ORC5: variants seen among roughly 807,000 people sequenced by gnomAD.
ORC5 encodes origin recognition complex subunit 5.
A neutral mutation model predicts 58.8 loss-of-function variants in ORC5; 39 were observed. The ratio of observed to expected loss-of-function variants is 0.66; its 90% CI spans 0.51 to 0.87. ORC5 has a LOEUF of 0.87. Ranked by LOEUF, ORC5 falls within the 40% of genes least tolerant of loss-of-function variation. The pLI is 0.00. For missense variants in ORC5, 493 were observed against 506.3 expected (o/e 0.97, Z 0.25); for synonymous variants, 218 against 177.6 (o/e 1.23, Z -1.81).
At chr7:104,183,371 T>C (rs1257239965) in intron 8 of ORC5, among the ~76,000 whole-genome samples, 2 of 152,120 alleles carry the variant, frequency 1.3e-5, no homozygotes, top group Non-Finnish European at 2.9e-5. Context: ...AGCTCCGTTC[T>C]GGCACCAAGG....
intron 12 of ORC5, among the ~76,000 whole-genome samples, chr7:104,137,104 T>G (rs1798601662): frequency 6.8e-6 from 1 of 147,646 alleles, no homozygotes; most frequent in African/African-American, 2.6e-5. Flanking sequence ...CTAGTTTTGT[T>G]TTTTTTTTTT....
Position 104,201,025 on chromosome 7 carries a change from G to A in ORC5, c.166-67C>T, listed in dbSNP as rs929124738. On this transcript the variant is annotated intron_variant, in intron 2 of 13. Transcript: ENST00000297431. ...ACACAAACACAATAATGGCTGTGCT[G>A]GATAGTCTCCATTTGCCTTTCTAAA... 1.9e-5 allele frequency: 25 copies of A among 1,340,920 alleles called. No individual in the cohort carries two copies. The African/African-American group carries it at 3.5e-4, about 19-fold the overall frequency. 83.1% of individuals were successfully genotyped at this position (1,340,920 alleles called of 1,614,324 possible). A position where few individuals can be genotyped will look rare whatever the true frequency, so the allele number is the denominator to read the frequency against.
intron 11 of ORC5, 56 bp downstream of exon 11, chr7:104,165,179 T>G: frequency 1.2e-6 from 1 of 854,032 alleles, no homozygotes; most frequent in Non-Finnish European, 1.9e-6. Context: ...TGTATCTATT[T>G]CCTATATTAT....
intron 10 of ORC5, among the ~76,000 whole-genome samples, chr7:104,165,920 G>C (rs1209436483): frequency 6.6e-6 from 1 of 152,062 alleles, no homozygotes; most frequent in African/African-American, 2.4e-5. Flanking sequence ...ATAAAACTTA[G>C]CCAGGCGTGG....
chr7:104,166,832 T>C lies in ORC5; in HGVS notation c.930A>G (p.Leu310=), dbSNP rs200928411. The C allele has an allele frequency of 6.2e-7, 1 of 1,613,176 alleles. No homozygotes were observed. Among genetic ancestry groups the C allele is most frequent in the East Asian group, 2.2e-5 (1 of 44,812 alleles). Residue 310 remains leucine, a synonymous_variant, in exon 10 of 14, where the codon CTA becomes CTG. Coordinates refer to ENST00000297431, the MANE Select transcript of ORC5 (RefSeq NM_002553.4). ...VELPYYSKFI[L]IAAYLASYNP... ...TGTATGAAGCAAGGTATGCAGCAAT[T>C]AGAATGAACTTAGAGTAATATGGAA... is the stretch of plus-strand genomic sequence containing the variant.
chr7:104,181,591 CT>C (rs1799431700), intron 8 of ORC5, among the ~76,000 whole-genome samples: 1 of 151,858 alleles, frequency 6.6e-6, no homozygotes, highest in African/African-American at 2.4e-5. Context: ...CAAGACCATC[CT>C]GGCTAACACG....
At chr7:104,135,509 T>C (rs1380715322) in intron 13 of ORC5, among the ~76,000 whole-genome samples, 3 of 152,320 alleles carry the variant, frequency 2.0e-5, no homozygotes, top group African/African-American at 7.2e-5. Context: ...CCCAGGCTCA[T>C]CTTGAATTTC....
chr7:104,154,756 T>A (rs1287474318), intron 12 of ORC5, among the ~76,000 whole-genome samples: 1 of 151,912 alleles, frequency 6.6e-6, no homozygotes, highest in African/African-American at 2.4e-5. Context: ...TTTTTATTTA[T>A]AAACGTTTTA....
intron 12 of ORC5, among the ~76,000 whole-genome samples, chr7:104,155,116 C>T (rs1040133484): frequency 6.6e-6 from 1 of 151,718 alleles, no homozygotes; most frequent in African/African-American, 2.4e-5. Context: ...AATGCTATTA[C>T]AATAAATAAA....
At chr7:104,128,508 CTT>C (rs879288342) in intron 13 of ORC5, among the ~76,000 whole-genome samples, 2 of 149,558 alleles carry the variant, frequency 1.3e-5, no homozygotes, top group Non-Finnish European at 3.0e-5. Context: ...TAATAGACTA[CTT>C]TTTTTTTTAA....
chr7:104,187,750 A>T, intron 6 of ORC5: 1 of 973,042 alleles, frequency 1.0e-6, no homozygotes, highest in Non-Finnish European at 1.2e-6. Context: ...AACCATCTAT[A>T]CAAAGATTAC....
rs555220622 is a variant in ORC5 at position 104,137,102 on chromosome 7, G to GT, written c.1150-210dup. ...GACTAGTTGTCAGAGTCCTAGTTTT[G>GT]TTTTTTTTTTTTTTCTTAGAGATAT... On this transcript the variant is annotated intron_variant, in intron 12 of 13. Transcript: ENST00000297431. 8.7e-3 allele frequency among the ~76,000 whole-genome samples: 1,191 copies of GT among 137,480 alleles called. 5 individuals carry two copies. Among genetic ancestry groups the GT allele is most frequent in the African/African-American group, 8.4e-3 (319 of 37,818 alleles). The allele number at this position is 137,480 out of a possible 152,430, so 90.2% of individuals were successfully genotyped here. A position where few individuals can be genotyped will look rare whatever the true frequency, so the allele number is the denominator to read the frequency against.
At chr7:104,155,067 C>T (rs1392865227) in intron 12 of ORC5, among the ~76,000 whole-genome samples, 4 of 151,730 alleles carry the variant, frequency 2.6e-5, no homozygotes. Context: ...TCCTACATAT[C>T]TTATAAAACA....
At chr7:104,202,985 G>A (rs1292552001) in intron 2 of ORC5, among the ~76,000 whole-genome samples, 1 of 152,218 alleles carries the variant, frequency 6.6e-6, no homozygotes, top group Non-Finnish European at 1.5e-5. Flanking sequence ...ATTAAGCACA[G>A]GGTGCTAAGG....
intron 6 of ORC5, chr7:104,184,435 G>A: frequency 2.7e-6 from 1 of 375,442 alleles, no homozygotes; most frequent in Non-Finnish European, 4.8e-6. Flanking sequence ...CTCCAGCCTG[G>A]ACAACATGGC....
In ORC5 at chr7:104,126,744, C is replaced by T; in HGVS notation, c.*104G>A. ...TGGGCCAGCACCTGTTTGGACAAAT[C>T]CAATAGAGCCAAAGAACTCCTCTCC... On this transcript the variant is annotated 3_prime_UTR_variant, in exon 14 of 14. Coordinates refer to ENST00000297431, the MANE Select transcript of ORC5 (RefSeq NM_002553.4). 1 of 772,386 alleles carries T rather than the reference C, an allele frequency of 1.3e-6. No homozygotes were observed. Among genetic ancestry groups the T allele is most frequent in the Non-Finnish European group, 2.1e-6 (1 of 468,168 alleles). The allele number at this position is 772,386 out of a possible 1,614,324, so 47.8% of individuals were successfully genotyped here.
chr7:104,156,525 TA>T (rs968040012), intron 12 of ORC5, among the ~76,000 whole-genome samples: 211 of 151,842 alleles, frequency 1.4e-3, no homozygotes, highest in African/African-American at 4.7e-3. Flanking sequence ...TAGAATAGAT[TA>T]GATTTGAAAT....
intron 12 of ORC5, among the ~76,000 whole-genome samples, chr7:104,145,944 T>C (rs1258979392): frequency 6.6e-6 from 1 of 152,094 alleles, no homozygotes; most frequent in Admixed American, 6.5e-5. Context: ...AAAACTATCC[T>C]TCATGAATAA....
chr7:104,196,539 T>C (rs1409142113), intron 4 of ORC5, among the ~76,000 whole-genome samples: 4 of 152,188 alleles, frequency 2.6e-5, no homozygotes, highest in Admixed American at 2.6e-4. Context: ...CAACTATTAC[T>C]AAAAGTAAAC....
Sources: gnomAD v4.1 joint callset for allele counts (sites outside exome capture counted in the v4.1 genomes callset) on GRCh38, gnomAD v4.1.1 for gene constraint, MANE v1.5 for transcripts, NCBI Gene and HGNC (gene_info 2026-07-23, HGNC 2026-07-21) for gene names.